RABGAP1L: variants seen among roughly 807,000 people sequenced by gnomAD.
The protein encoded by RABGAP1L is rab GTPase-activating protein 1-like.
In RABGAP1L, 63 loss-of-function variants were observed where a neutral mutation model predicts 137.7. The observed-to-expected ratio is 0.46, with a 90% confidence interval of 0.37 to 0.56. RABGAP1L has a LOEUF of 0.56. Ranked by LOEUF, RABGAP1L falls within the 20% of genes least tolerant of loss-of-function variation. The pLI, the probability that RABGAP1L is intolerant of heterozygous loss-of-function variation, is 0.00. For missense variants in RABGAP1L, 1,095 were observed against 1,244.0 expected (o/e 0.88, Z 1.80); for synonymous variants, 431 against 433.7 (o/e 0.99, Z 0.08).
intron 15 of RABGAP1L, among the ~76,000 whole-genome samples, chr1:174,687,145 C>T (rs923017652): frequency 2.0e-5 from 3 of 152,132 alleles, no homozygotes; most frequent in South Asian, 4.1e-4. Context: ...CCACCCCGTC[C>T]GCAAAGAGAG....
At chr1:174,596,597 A>T (rs965438693) in intron 13 of RABGAP1L, among the ~76,000 whole-genome samples, 1 of 152,148 alleles carries the variant, frequency 6.6e-6, no homozygotes, top group Non-Finnish European at 1.5e-5. Context: ...TTTACTTCTC[A>T]GTTCTAATAA....
chr1:174,327,980 C>CGTATATATATATAT (rs1680618158), intron 11 of RABGAP1L, among the ~76,000 whole-genome samples: 1 of 105,940 alleles, frequency 9.4e-6, no homozygotes, highest in African/African-American at 4.1e-5. Flanking sequence ...TATATATATA[C>CGTATATATATATAT]ACACACATAT....
At chr1:174,270,304 C>T (rs1674445348) in intron 7 of RABGAP1L, among the ~76,000 whole-genome samples, 1 of 151,812 alleles carries the variant, frequency 6.6e-6, no homozygotes, top group African/African-American at 2.4e-5. Context: ...GCTCCTTTTG[C>T]AGTACAATGT....
chr1:174,455,456 A>G (rs1655935662), intron 13 of RABGAP1L, among the ~76,000 whole-genome samples: 2 of 152,130 alleles, frequency 1.3e-5, no homozygotes, highest in Non-Finnish European at 2.9e-5. Flanking sequence ...ACAGAGTTGT[A>G]TGACCTGTTC....
chr1:174,860,449 A>ATG (rs1230348352), intron 19 of RABGAP1L, among the ~76,000 whole-genome samples: 6 of 151,618 alleles, frequency 4.0e-5, no homozygotes, highest in African/African-American at 7.3e-5. Flanking sequence ...GACCCTGTTT[A>ATG]AAAAAAAATT....
intron 1 of RABGAP1L, among the ~76,000 whole-genome samples, chr1:174,196,952 T>A (rs1036304673): frequency 2.0e-5 from 3 of 152,166 alleles, no homozygotes; most frequent in African/African-American, 4.8e-5. Context: ...AGATGTTTTA[T>A]AACAAAGGTA....
chr1:174,348,891 C>T (rs1465664641), intron 11 of RABGAP1L, among the ~76,000 whole-genome samples: 1 of 152,110 alleles, frequency 6.6e-6, no homozygotes, highest in Non-Finnish European at 1.5e-5. Context: ...ATCCGATTTC[C>T]CAATCCTTTC....
intron 11 of RABGAP1L, among the ~76,000 whole-genome samples, chr1:174,327,247 A>G (rs1256114447): frequency 6.6e-6 from 1 of 152,192 alleles, no homozygotes; most frequent in Non-Finnish European, 1.5e-5. Context: ...GACAAAACAA[A>G]AATAATAGCA....
chr1:174,680,706 A>G (rs1247412779), intron 14 of RABGAP1L, among the ~76,000 whole-genome samples: 1 of 152,156 alleles, frequency 6.6e-6, no homozygotes, highest in African/African-American at 2.4e-5. Context: ...GACCTGGGCA[A>G]CATGGCAAAA....
At chr1:174,751,173 A>C (rs534488702) in intron 17 of RABGAP1L, among the ~76,000 whole-genome samples, 123 of 152,322 alleles carry the variant, frequency 8.1e-4, no homozygotes, top group African/African-American at 2.8e-3. Flanking sequence ...TATTTGGTTT[A>C]TATTTTAACC....
intron 18 of RABGAP1L, among the ~76,000 whole-genome samples, chr1:174,768,304 C>T (rs1460072764): frequency 6.6e-6 from 1 of 152,198 alleles, no homozygotes; most frequent in Non-Finnish European, 1.5e-5. Flanking sequence ...AGTTGTTAAA[C>T]TATCTAACAT....
chr1:174,658,765 A>C (rs1362069832), intron 14 of RABGAP1L, among the ~76,000 whole-genome samples: 1 of 152,154 alleles, frequency 6.6e-6, no homozygotes, highest in Non-Finnish European at 1.5e-5. Context: ...TAATGGTTTC[A>C]GGAAGGGAAC....
chr1:174,586,348 C>G (rs1455980830), intron 13 of RABGAP1L, among the ~76,000 whole-genome samples: 1 of 149,924 alleles, frequency 6.7e-6, no homozygotes, highest in African/African-American at 2.5e-5. Context: ...AATGAGAACA[C>G]ATGGACACAG....
intron 1 of RABGAP1L, among the ~76,000 whole-genome samples, chr1:174,205,498 TC>T (rs781681018): frequency 1.3e-5 from 2 of 152,164 alleles, no homozygotes; most frequent in East Asian, 3.9e-4. Context: ...ATCAGTTTCT[TC>T]CTGGTTCAGT....
At chr1:174,933,987 C>T (rs564858108) in intron 19 of RABGAP1L, among the ~76,000 whole-genome samples, 1 of 152,292 alleles carries the variant, frequency 6.6e-6, no homozygotes, top group African/African-American at 2.4e-5. Context: ...GGTATAGAAA[C>T]ATTTTAATTA....
In RABGAP1L at chr1:174,229,276, G is replaced by A. The variant is rs138722284; in HGVS notation, c.332-1869G>A. The stretch of plus-strand genomic sequence containing the variant: ...TAGGCTGCTTAATAAATGTGGTGCA[G>A]TGAAGGATCTTTACAGTCAAGATAA... On this transcript the variant is annotated intron_variant, in intron 3 of 25. Transcript: ENST00000681986. Among the ~76,000 whole-genome samples, 42 of 152,326 alleles carry A rather than the reference G, an allele frequency of 2.8e-4. No individual in the cohort carries two copies. The Middle Eastern group carries it at 0.01, about 37-fold the overall frequency.
intron 13 of RABGAP1L, among the ~76,000 whole-genome samples, chr1:174,495,791 G>A (rs1660679989): frequency 2.0e-5 from 3 of 152,182 alleles, no homozygotes; most frequent in Admixed American, 2.0e-4. Flanking sequence ...TTTCACAAAT[G>A]ATGCTGCGGT....
intron 13 of RABGAP1L, among the ~76,000 whole-genome samples, chr1:174,497,014 C>G (rs916829523): frequency 6.6e-6 from 1 of 152,186 alleles, no homozygotes; most frequent in African/African-American, 2.4e-5. Context: ...TCACCCTTCT[C>G]CAGCATACAC....
intron 13 of RABGAP1L, among the ~76,000 whole-genome samples, chr1:174,396,807 G>A (rs1050862977): frequency 6.6e-6 from 1 of 151,888 alleles, no homozygotes; most frequent in Admixed American, 6.6e-5. Flanking sequence ...AAACACCATG[G>A]TAGTTTTAAC....
Sources: allele counts gnomAD v4.1 joint callset (sites outside exome capture counted in the v4.1 genomes callset), GRCh38; gene constraint gnomAD v4.1.1; transcripts MANE v1.5; gene names NCBI Gene and HGNC (gene_info 2026-07-23, HGNC 2026-07-21).